The following PRAG1 variants were observed in gnomAD, a reference collection of about 807,000 sequenced individuals.
PRAG1 encodes PEAK1 related, kinase-activating pseudokinase 1.
Under a neutral mutation model 95.6 loss-of-function variants are expected in PRAG1, and 110 were observed. The ratio of observed to expected loss-of-function variants is 1.15; its 90% CI spans 0.99 to 1.35. The LOEUF (loss-of-function observed/expected upper bound fraction) is 1.35. PRAG1 is among the 40% of genes most tolerant of loss of function. The pLI is 0.00. For missense variants in PRAG1, 2,554 were observed against 1,864.7 expected (o/e 1.37, Z -6.81); for synonymous variants, 1,052 against 819.4 (o/e 1.28, Z -4.85).
intron 3 of PRAG1, among the ~76,000 whole-genome samples, chr8:8,375,419 G>A (rs970132222): frequency 3.3e-5 from 5 of 152,002 alleles, no homozygotes; most frequent in Non-Finnish European, 4.4e-5. Context: ...AGCCAGGATG[G>A]TCTCGATCTC....
At chr8:8,379,827 C>A (rs1800571877) in intron 2 of PRAG1, among the ~76,000 whole-genome samples, 1 of 152,222 alleles carries the variant, frequency 6.6e-6, no homozygotes, top group Non-Finnish European at 1.5e-5. Context: ...AATGGTCTAG[C>A]CTCTAGGTTG....
intron 4 of PRAG1, among the ~76,000 whole-genome samples, chr8:8,335,331 G>C (rs1237323016): frequency 6.6e-6 from 1 of 152,064 alleles, no homozygotes; most frequent in African/African-American, 2.4e-5. Flanking sequence ...AAAATAAGCA[G>C]CAATTTCAAA....
intron 3 of PRAG1, among the ~76,000 whole-genome samples, chr8:8,342,480 G>A (rs1379928209): frequency 2.0e-5 from 3 of 152,112 alleles, no homozygotes; most frequent in Non-Finnish European, 2.9e-5. Flanking sequence ...ACAGGAGTGA[G>A]CCACCGCGCC....
At chr8:8,356,443 T>C (rs1032726097) in intron 3 of PRAG1, among the ~76,000 whole-genome samples, 13 of 152,210 alleles carry the variant, frequency 8.5e-5, no homozygotes, top group African/African-American at 2.7e-4. Context: ...CCTCTTGGGT[T>C]CAAGTGATCC....
At chr8:8,359,210 A>C (rs904897730) in intron 3 of PRAG1, among the ~76,000 whole-genome samples, 2 of 152,186 alleles carry the variant, frequency 1.3e-5, no homozygotes, top group Non-Finnish European at 2.9e-5. Flanking sequence ...TTCCTCTTCA[A>C]ACTGTTTTAA....
rs202100503 is a variant in PRAG1, at chr8:8,345,367, C to CAA, written c.2163-5734_2163-5733dup. Among the ~76,000 whole-genome samples the CAA allele has an allele frequency of 2.7e-3, 211 of 79,044 alleles. 2 individuals carry two copies. Among genetic ancestry groups the CAA allele is most frequent in the East Asian group, 0.013 (41 of 3,148 alleles). 51.9% of individuals were successfully genotyped at this position (79,044 alleles called of 152,430 possible). A position where few individuals can be genotyped will look rare whatever the true frequency, so the allele number is the denominator to read the frequency against. ...GCAACATAGTGAGACCCTGTCTCTA[C>CAA]AAAAAAAAAAAAAAAGAAAGAAAGA... On this transcript the variant is annotated intron_variant, in intron 3 of 5. Transcript: ENST00000615670.
chr8:8,323,130 T>G (rs1202797243), intron 5 of PRAG1, among the ~76,000 whole-genome samples: 2 of 152,158 alleles, frequency 1.3e-5, no homozygotes, highest in Admixed American at 6.5e-5. Context: ...GATGGGAGAC[T>G]GTCGCCTCAT....
chr8:8,336,212 C>T (rs2979224), intron 4 of PRAG1, among the ~76,000 whole-genome samples: 48,942 of 152,008 alleles, frequency 0.32, 8,371 homozygotes, highest in African/African-American at 0.44. Context: ...AAATGTTTGC[C>T]GAACTGCTGA....
At chr8:8,325,375 C>G (rs1423997569) in intron 5 of PRAG1, among the ~76,000 whole-genome samples, 1 of 152,164 alleles carries the variant, frequency 6.6e-6, no homozygotes. Context: ...CCTTGAGCTA[C>G]CACGTCTCCA....
In PRAG1 at chr8:8,323,698, A is replaced by G. The variant is rs146909589; in HGVS notation, c.3072+4012T>C. 2.8e-3 allele frequency among the ~76,000 whole-genome samples: 433 copies of G among 152,120 alleles called. 2 individuals are homozygous for G. Among genetic ancestry groups the G allele is most frequent in the Non-Finnish European group, 5.0e-3 (337 of 67,998 alleles). On this transcript the variant is annotated intron_variant, in intron 5 of 5. Transcript: ENST00000615670. ...GGACGTGTTTGCTTCCCCTTTCACCATGATTGTAAGTTTCCTGAGGCTTCC... is the reference window on the plus strand; with the variant it reads ...GGACGTGTTTGCTTCCCCTTTCACCGTGATTGTAAGTTTCCTGAGGCTTCC...
rs182899248 is a variant in PRAG1 at position 8,347,569 on chromosome 8, T to C, written c.2163-7934A>G. On this transcript the variant is annotated intron_variant, in intron 3 of 5. Transcript: ENST00000615670. ...AAATCATTAAGCAATTCGAGTTTTCTTGGTGGATAAGAACACTCTGTTTTT... is the reference window on the plus strand; with the variant it reads ...AAATCATTAAGCAATTCGAGTTTTCCTGGTGGATAAGAACACTCTGTTTTT... Among the ~76,000 whole-genome samples, 677 of 151,858 alleles carry C rather than the reference T, an allele frequency of 4.5e-3. 2 individuals carry two copies. The highest frequency in any genetic ancestry group is 7.4e-3 in the Non-Finnish European group (503 of 67,644).
chr8:8,381,405 T>C lies in PRAG1; in HGVS notation c.330+13A>G. On this transcript the variant is annotated intron_variant, in intron 2 of 5. Coordinates refer to ENST00000615670, the MANE Select transcript of PRAG1 (RefSeq NM_001080826.3). ...GCCCCTGTAAAAATACCACGAGTGT[T>C]AGTCAGCCTCACCTGCGAGACTTCG... 2 of 1,595,254 alleles carry C rather than the reference T, an allele frequency of 1.3e-6. No homozygotes were observed. The highest frequency in any genetic ancestry group is 1.7e-6 in the Non-Finnish European group (2 of 1,166,148).
At chr8:8,374,723 G>C (rs1004584984) in intron 3 of PRAG1, 2 of 985,290 alleles carry the variant, frequency 2.0e-6, no homozygotes, top group Non-Finnish European at 2.4e-6. Flanking sequence ...CTCAGGATCT[G>C]GAAGATGTCT....
chr8:8,374,686 C>T (rs893723764), intron 3 of PRAG1: 33 of 985,280 alleles, frequency 3.3e-5, no homozygotes, highest in East Asian at 2.3e-4. Context: ...GGGGACTACA[C>T]GCGGCTGCCA....
Position 8,318,963 on chromosome 8 carries a change from C to T in PRAG1, c.3412G>A (p.Glu1138Lys). The T allele has an allele frequency of 6.2e-7, 1 of 1,613,182 alleles. No individual in the cohort carries two copies. Among genetic ancestry groups the T allele is most frequent in the Non-Finnish European group, 8.5e-7 (1 of 1,179,696 alleles). The change falls in exon 6 of 6, where the codon GAG becomes AAG. Residue 1138 changes from glutamate to lysine, a missense_variant. Glu to Lys is a moderately conservative substitution (Grantham distance 56, BLOSUM62 1). Transcript: ENST00000615670. The surrounding 1 kb of genome is among the most constrained non-coding windows in gnomAD (Gnocchi z 4.2). ...QLCNGLEHLK[E>K]HGIIHRDLCL... ...AGGTCCCGGTGGATGATCCCGTGCT[C>T]CTTCAGGTGCTCCAGCCCGTTGCAG...
intron 3 of PRAG1, among the ~76,000 whole-genome samples, chr8:8,340,611 G>C (rs540536118): frequency 6.6e-6 from 1 of 152,372 alleles, no homozygotes; most frequent in African/African-American, 2.4e-5. Flanking sequence ...TTTGGCATCA[G>C]AACTGCCTTA....
intron 4 of PRAG1, among the ~76,000 whole-genome samples, chr8:8,337,743 C>T (rs1186189325): frequency 3.9e-5 from 6 of 152,110 alleles, no homozygotes; most frequent in South Asian, 4.2e-4. Flanking sequence ...TATTCAGAAA[C>T]GAACATGAGA....
chr8:8,375,162 C>G (rs1347252747), intron 3 of PRAG1, among the ~76,000 whole-genome samples: 1 of 151,252 alleles, frequency 6.6e-6, no homozygotes, highest in Admixed American at 6.6e-5. Flanking sequence ...GTAGGGAAAA[C>G]TGAGTTTCAG....
intron 4 of PRAG1, among the ~76,000 whole-genome samples, chr8:8,330,715 G>A (rs2979211): frequency 0.22 from 32,926 of 152,074 alleles, 4,035 homozygotes; most frequent in African/African-American, 0.33. Context: ...AGCAGGTGCT[G>A]AAATCCTGCA....
Sources: allele counts gnomAD v4.1 joint callset (sites outside exome capture counted in the v4.1 genomes callset), GRCh38; gene constraint gnomAD v4.1.1; non-coding constraint Gnocchi (gnomAD v3.1); transcripts MANE v1.5; gene names NCBI Gene and HGNC (gene_info 2026-07-23, HGNC 2026-07-21).